Variants in RNASEH2B observed in about 807,000 individuals in gnomAD.
RNASEH2B encodes the protein Aicardi-Goutieres syndrome 2 protein.
A neutral mutation model predicts 45.0 loss-of-function variants in RNASEH2B; 36 were observed. That is an observed-to-expected ratio of 0.80 (90% confidence interval 0.61 to 1.06). The LOEUF (loss-of-function observed/expected upper bound fraction) is 1.06. Ranked by LOEUF, RNASEH2B falls within the 50% of genes least tolerant of loss-of-function variation. RNASEH2B has a pLI of 0.00. For synonymous variants in RNASEH2B, 119 were observed against 125.7 expected (o/e 0.95, Z 0.35); for missense variants, 361 against 360.3 (o/e 1.00, Z -0.02).
chr13:50,930,207 A>T, intron 3 of RNASEH2B: 3 of 228,784 alleles, frequency 1.3e-5, no homozygotes, highest in Non-Finnish European at 2.6e-5. Flanking sequence ...CTGCCCACAG[A>T]CCACGGAAGG....
intron 4 of RNASEH2B, chr13:50,933,916 T>C (rs1951713333): frequency 6.6e-6 from 1 of 152,220 alleles, no homozygotes; most frequent in Admixed American, 6.5e-5. Context: ...ATGGCACTAG[T>C]TAACCTAAGA....
intron 9 of RNASEH2B, chr13:50,953,126 A>G (rs1192092584): frequency 6.6e-6 from 1 of 152,188 alleles, no homozygotes; most frequent in Non-Finnish European, 1.5e-5. Flanking sequence ...TCAATTCTCC[A>G]TGTTCAACAG....
chr13:50,916,338 C>T lies in RNASEH2B; in HGVS notation c.64+6198C>T, dbSNP rs117231324. On this transcript the variant is annotated intron_variant, in intron 1 of 10. Coordinates refer to ENST00000336617, the MANE Select transcript of RNASEH2B (RefSeq NM_024570.4). ...TAAAAGTTTATATGGTGCTGTTCTA[C>T]ATAAAATTGGAGAAAGTTCAGTTGA... is the stretch of plus-strand genomic sequence containing the variant. Among the ~76,000 whole-genome samples, 520 of 152,238 alleles carry T rather than the reference C, an allele frequency of 3.4e-3. 7 individuals carry two copies. The East Asian group carries it at 0.046, about 13-fold the overall frequency.
intron 6 of RNASEH2B, among the ~76,000 whole-genome samples, chr13:50,944,272 A>T (rs1951870373): frequency 6.6e-6 from 1 of 152,336 alleles, no homozygotes; most frequent in South Asian, 2.1e-4. Context: ...CATATAGAAT[A>T]ATGATAAAGT....
At position 50,945,531 on chromosome 13, in the gene RNASEH2B, A is replaced by AGGTAAGTAAAGCATTTTAT; in HGVS notation, c.616_616+18dup. 6.2e-7 allele frequency: 1 copy of AGGTAAGTAAAGCATTTTAT among 1,601,226 alleles called. No individual in the cohort carries two copies. Among genetic ancestry groups the AGGTAAGTAAAGCATTTTAT allele is most frequent in the Non-Finnish European group, 8.6e-7 (1 of 1,168,434 alleles). On this transcript the variant is annotated stop_gained and frameshift_variant and splice_region_variant, in exon 7 of 11. Transcript: ENST00000336617. LOFTEE classifies it high-confidence loss of function. ...GTGACCAAGCTTCCACTGACAAGGA[A>AGGTAAGTAAAGCATTTTAT]GGTAAGTAAAGCATTTTATCAGAAA...
chr13:50,963,519 C>T (rs1250167933), intron 9 of RNASEH2B, among the ~76,000 whole-genome samples: 2 of 152,124 alleles, frequency 1.3e-5, no homozygotes, highest in Non-Finnish European at 1.5e-5. Flanking sequence ...TTTATGTCTT[C>T]CCGTATCTGT....
chr13:50,963,032 GTTGT>G (rs1046004967), intron 9 of RNASEH2B, among the ~76,000 whole-genome samples: 5 of 151,382 alleles, frequency 3.3e-5, no homozygotes, highest in African/African-American at 9.7e-5. Flanking sequence ...TGTTTTGTTG[GTTGT>G]TTGTTTTTTT....
chr13:50,959,138 G>A (rs1269799092), downstream of RNASEH2B, among the ~76,000 whole-genome samples: 1 of 151,338 alleles, frequency 6.6e-6, no homozygotes, highest in African/African-American at 2.4e-5. Context: ...TCATCTTATA[G>A]AGAATTGTCT....
chr13:50,960,594 T>C (rs1184413299), downstream of RNASEH2B, among the ~76,000 whole-genome samples: 1 of 152,228 alleles, frequency 6.6e-6, no homozygotes, highest in African/African-American at 2.4e-5. Context: ...TTTTTACTAC[T>C]TACTATCAAA....
chr13:50,935,906 G>T (rs1230063509), intron 5 of RNASEH2B: 1 of 152,336 alleles, frequency 6.6e-6, no homozygotes. Context: ...CACCAAGGCT[G>T]TTGCAGTGAT....
chr13:50,955,513 T>C (rs1395820171), intron 10 of RNASEH2B: 12 of 152,200 alleles, frequency 7.9e-5, no homozygotes, highest in Non-Finnish European at 1.2e-4. Context: ...CTTTGCACCA[T>C]TGAGTCAAAA....
At chr13:50,950,646 GCTT>G (rs1376641750) in intron 9 of RNASEH2B, 1 of 152,130 alleles carries the variant, frequency 6.6e-6, no homozygotes. Context: ...TTCTCAGCGT[GCTT>G]CTTATTTTTC....
chr13:50,914,043 ATTTTTT>A (rs10596567), intron 1 of RNASEH2B, among the ~76,000 whole-genome samples: 1 of 138,766 alleles, frequency 7.2e-6, no homozygotes, highest in Non-Finnish European at 1.6e-5. Context: ...AGTCTTGAAG[ATTTTTT>A]TTTTTTTTTT....
At chr13:50,940,596 C>T (rs1329638662) in intron 5 of RNASEH2B, among the ~76,000 whole-genome samples, 3 of 152,106 alleles carry the variant, frequency 2.0e-5, no homozygotes, top group Non-Finnish European at 4.4e-5. Flanking sequence ...AGCACTGGCT[C>T]TGAGGTTTAG....
intron 3 of RNASEH2B, chr13:50,930,298 T>C: frequency 3.1e-6 from 1 of 323,990 alleles, no homozygotes; most frequent in Non-Finnish European, 6.0e-6. Flanking sequence ...ACTGCAGCTT[T>C]ATAGATAGAC....
Position 50,956,443 on chromosome 13 carries a change from T to TA in RNASEH2B, c.914dup (p.Asn305LysfsTer2). 3 of 1,596,776 alleles carry TA rather than the reference T, an allele frequency of 1.9e-6. No individual in the cohort carries two copies. The highest frequency in any genetic ancestry group is 2.6e-6 in the Non-Finnish European group (3 of 1,169,290). ...AAAAGTATTGATACCTTTTTTGGGG[T>TA]AAAAAATAAAAAAAAAATTGGAAAG... On this transcript the variant is annotated frameshift_variant, in exon 11 of 11. Transcript: ENST00000336617. LOFTEE classifies it high-confidence loss of function.
downstream of RNASEH2B, among the ~76,000 whole-genome samples, chr13:50,958,733 T>G (rs1306711019): frequency 6.6e-6 from 1 of 152,200 alleles, no homozygotes; most frequent in African/African-American, 2.4e-5. Flanking sequence ...AATTTTTGAT[T>G]ATTTGGATAT....
chr13:50,914,111 C>T (rs1879593018), intron 1 of RNASEH2B, among the ~76,000 whole-genome samples: 1 of 149,860 alleles, frequency 6.7e-6, no homozygotes, highest in African/African-American at 2.5e-5. Context: ...AAAGAAATGC[C>T]TCTTGTTTTG....
chr13:50,920,503 G>A (rs747588252), intron 1 of RNASEH2B, among the ~76,000 whole-genome samples: 8 of 152,174 alleles, frequency 5.3e-5, no homozygotes, highest in Non-Finnish European at 8.8e-5. Flanking sequence ...TGAGATAATT[G>A]GGAAGTTTAA....
Sources: gnomAD v4.1 joint callset for allele counts (sites outside exome capture counted in the v4.1 genomes callset) on GRCh38, gnomAD v4.1.1 for gene constraint, MANE v1.5 for transcripts, NCBI Gene and HGNC (gene_info 2026-07-23, HGNC 2026-07-21) for gene names.